Variants in PUM1 observed in about 807,000 individuals in gnomAD.
The protein encoded by PUM1 is pumilio RNA binding family member 1, also known as pumilio homolog 1.
PUM1 carries 13 observed loss-of-function variants against 131.8 expected under a neutral mutation model. The ratio of observed to expected loss-of-function variants is 0.10; its 90% CI spans 0.06 to 0.16. PUM1 has a LOEUF of 0.16. Ranked by LOEUF, PUM1 falls within the 10% of genes least tolerant of loss-of-function variation. PUM1 has a pLI of 1.00. For missense variants in PUM1, 961 were observed against 1,512.4 expected (o/e 0.64, Z 6.05); for synonymous variants, 509 against 556.5 (o/e 0.91, Z 1.20).
chr1:31,021,652 A>C (rs1472108464), intron 3 of PUM1, among the ~76,000 whole-genome samples: 1 of 152,164 alleles, frequency 6.6e-6, no homozygotes, highest in Non-Finnish European at 1.5e-5. Context: ...CAAAAGATAA[A>C]GCCCAGACCA....
At chr1:31,042,957 G>C (rs528639894) in intron 2 of PUM1, among the ~76,000 whole-genome samples, 1 of 152,118 alleles carries the variant, frequency 6.6e-6, no homozygotes, top group South Asian at 2.1e-4. Context: ...TCGAATTCCT[G>C]ACCTCAGGTG....
At position 31,005,842 on chromosome 1, in the gene PUM1, A is replaced by G; in HGVS notation, c.720+11T>C. ...GAGAGAGATAGGAACAAGTTCCTCA[A>G]GCCAACTTACAAATCCTCCTTTTCT... is the stretch of plus-strand genomic sequence containing the variant. On this transcript the variant is annotated intron_variant, in intron 5 of 21. Transcript: ENST00000426105. The G allele has an allele frequency of 6.3e-7, 1 of 1,580,086 alleles. No homozygotes were observed. Among genetic ancestry groups the G allele is most frequent in the Non-Finnish European group, 8.6e-7 (1 of 1,164,936 alleles).
At chr1:30,975,631 A>G (rs902241009) in intron 9 of PUM1, among the ~76,000 whole-genome samples, 1 of 140,036 alleles carries the variant, frequency 7.1e-6, no homozygotes, top group Non-Finnish European at 1.5e-5. Context: ...CTGGGACTTT[A>G]GGCTTGAGCC....
chr1:31,002,320 A>T (rs1642246192), intron 5 of PUM1, among the ~76,000 whole-genome samples: 1 of 152,110 alleles, frequency 6.6e-6, no homozygotes, highest in Non-Finnish European at 1.5e-5. Flanking sequence ...AAAAGCAGAT[A>T]CTCTCTACAG....
At chr1:31,051,371 T>A (rs1396827690) in intron 2 of PUM1, among the ~76,000 whole-genome samples, 2 of 151,276 alleles carry the variant, frequency 1.3e-5, no homozygotes, top group African/African-American at 4.9e-5. Flanking sequence ...TGGCACAATC[T>A]CGGCTCACCG....
At chr1:31,053,797 T>C (rs949166186) in intron 2 of PUM1, among the ~76,000 whole-genome samples, 1 of 151,584 alleles carries the variant, frequency 6.6e-6, no homozygotes, top group African/African-American at 2.4e-5. Flanking sequence ...AACTTTTTAA[T>C]GTAAGTATAC....
chr1:30,995,315 A>T, intron 5 of PUM1, 95 bp from the exon 6 acceptor site: 2 of 1,329,720 alleles, frequency 1.5e-6, no homozygotes, highest in Non-Finnish European at 1.1e-6. Context: ...TGCTACTCAG[A>T]AGAGGATAGT....
chr1:30,969,504 A>G (rs1326850228), intron 10 of PUM1, among the ~76,000 whole-genome samples: 1 of 152,112 alleles, frequency 6.6e-6, no homozygotes, highest in Non-Finnish European at 1.5e-5. Flanking sequence ...CATGGCCCCA[A>G]ATGAGTTCAC....
rs530885384 is a variant in PUM1 at position 30,951,532 on chromosome 1, C to CTGG, written c.2721+701_2721+702insCCA. 1.6e-3 allele frequency among the ~76,000 whole-genome samples: 241 copies of CTGG among 152,264 alleles called. 1 individual carries two copies. Among genetic ancestry groups the CTGG allele is most frequent in the Non-Finnish European group, 1.0e-3 (69 of 68,022 alleles). The stretch of plus-strand genomic sequence containing the variant: ...CCAGCATTTTCCTCCCCATACCAGA[C>CTGG]TCCTCCTCATCTCGAAGTTTTGTGC... On this transcript the variant is annotated intron_variant, in intron 16 of 21. Coordinates refer to ENST00000426105, the MANE Select transcript of PUM1 (RefSeq NM_001020658.2).
chr1:30,998,363 G>T (rs189950084), intron 5 of PUM1, among the ~76,000 whole-genome samples: 1 of 152,156 alleles, frequency 6.6e-6, no homozygotes, highest in East Asian at 1.9e-4. Context: ...TCAGCTGCAC[G>T]CAGTGGCTCA....
Position 30,966,217 on chromosome 1 carries a change from A to G in PUM1, c.1851T>C (p.Asn617=), listed in dbSNP as rs1330611423. ...GTGTTCCTAAAGGGCGAAATGGTCC[A>G]TTTGTTGTTCCAGCAAGACCACCAG... ...GAAGGLAGTT[N]GPFRPLGTQQ... The change falls in exon 13 of 22, where the codon AAT becomes AAC. Residue 617 remains asparagine (N), a synonymous_variant. Coordinates refer to ENST00000426105, the MANE Select transcript of PUM1 (RefSeq NM_001020658.2). 1 of 1,613,696 alleles carries G rather than the reference A, an allele frequency of 6.2e-7. No individual in the cohort carries two copies. Among genetic ancestry groups the G allele is most frequent in the East Asian group, 2.2e-5 (1 of 44,872 alleles).
chr1:30,934,273 T>C, intron 21 of PUM1, among the ~76,000 whole-genome samples: 1 of 152,318 alleles, frequency 6.6e-6, no homozygotes, highest in South Asian at 2.1e-4. Flanking sequence ...TTTTGCTTAA[T>C]TATCAATCTT....
At chr1:31,042,359 C>G (rs868828794) in intron 2 of PUM1, among the ~76,000 whole-genome samples, 1 of 151,564 alleles carries the variant, frequency 6.6e-6, no homozygotes, top group Non-Finnish European at 1.5e-5. Flanking sequence ...ATAAAATTGC[C>G]TCTAGATCTC....
chr1:31,026,028 G>A (rs1643207532), intron 3 of PUM1, among the ~76,000 whole-genome samples: 3 of 152,056 alleles, frequency 2.0e-5, no homozygotes, highest in Admixed American at 1.3e-4. Flanking sequence ...CAAGGCAGGC[G>A]ACTGCCTGAG....
At position 30,966,274 on chromosome 1, in the gene PUM1, A is replaced by G. The variant is rs770218600; in HGVS notation, c.1794T>C (p.Val598=). 2 of 1,592,098 alleles carry G rather than the reference A, an allele frequency of 1.3e-6. No individual in the cohort carries two copies. The highest frequency in any genetic ancestry group is 2.3e-5 in the South Asian group (2 of 88,104). The change falls in exon 13 of 22, where the codon GTT becomes GTC. Residue 598 remains valine, a synonymous_variant. Coordinates refer to ENST00000426105, the MANE Select transcript of PUM1 (RefSeq NM_001020658.2). ...CATTTGCTGAAGCTGCGGCTGCTGCAACAGCTATGAAGAAGAAAGCAAACC... is the reference window on the plus strand; with the variant it reads ...CATTTGCTGAAGCTGCGGCTGCTGCGACAGCTATGAAGAAGAAAGCAAACC... ...IISSSAAQAA[V]AAAAASANGA... is the part of the protein sequence containing the mutation.
intron 3 of PUM1, among the ~76,000 whole-genome samples, chr1:31,018,794 A>G (rs529597882): frequency 4.1e-4 from 63 of 152,264 alleles, no homozygotes; most frequent in Admixed American, 2.0e-3. Flanking sequence ...TTAGGAATCT[A>G]TTCTGCAGAG....
intron 14 of PUM1, among the ~76,000 whole-genome samples, chr1:30,959,486 A>G (rs996217981): frequency 6.6e-6 from 1 of 152,216 alleles, no homozygotes; most frequent in African/African-American, 2.4e-5. Flanking sequence ...AATACAAGAT[A>G]AAAGCCACAT....
intron 10 of PUM1, among the ~76,000 whole-genome samples, chr1:30,971,268 C>T (rs1570164058): frequency 3.3e-5 from 5 of 152,094 alleles, no homozygotes; most frequent in Admixed American, 3.3e-4. Flanking sequence ...TAAAAAGAAC[C>T]TCTCATTTTA....
At chr1:30,944,961 G>A (rs1639608314) in intron 18 of PUM1, among the ~76,000 whole-genome samples, 1 of 152,258 alleles carries the variant, frequency 6.6e-6, no homozygotes, top group South Asian at 2.1e-4. Flanking sequence ...ATCAGGCACA[G>A]TGGCTCATGC....
Sources: allele counts gnomAD v4.1 joint callset (sites outside exome capture counted in the v4.1 genomes callset), GRCh38; gene constraint gnomAD v4.1.1; transcripts MANE v1.5; gene names NCBI Gene and HGNC (gene_info 2026-07-23, HGNC 2026-07-21).